TDRD5: variants seen among roughly 807,000 people sequenced by gnomAD.
The protein encoded by TDRD5 is tudor domain containing 5, also known as tudor domain-containing protein 5.
A neutral mutation model predicts 120.6 loss-of-function variants in TDRD5; 41 were observed. The ratio of observed to expected loss-of-function variants is 0.34; its 90% CI spans 0.26 to 0.44. The LOEUF (loss-of-function observed/expected upper bound fraction) is 0.44, where lower values mean the gene tolerates loss of function less well. Ranked by LOEUF, TDRD5 falls within the 20% of genes least tolerant of loss-of-function variation. The pLI, the probability that TDRD5 is intolerant of heterozygous loss-of-function variation, is 1.00. For missense variants in TDRD5, 1,006 were observed against 1,221.2 expected (o/e 0.82, Z 2.63); for synonymous variants, 430 against 433.7 (o/e 0.99, Z 0.11).
chr1:179,666,445 T>G (rs1295973417), intron 16 of TDRD5, among the ~76,000 whole-genome samples: 9 of 152,254 alleles, frequency 5.9e-5, no homozygotes. Flanking sequence ...CTAAATTAGG[T>G]TGGCATGTTT....
chr1:179,674,356 T>C (rs1164438833), intron 17 of TDRD5, among the ~76,000 whole-genome samples: 1 of 152,216 alleles, frequency 6.6e-6, no homozygotes, highest in African/African-American at 2.4e-5. Flanking sequence ...TTTATTGACT[T>C]ATGTTAAACC....
intron 11 of TDRD5, among the ~76,000 whole-genome samples, chr1:179,647,167 A>G (rs2102048477): frequency 6.8e-6 from 1 of 147,330 alleles, no homozygotes; most frequent in Non-Finnish European, 1.5e-5. Flanking sequence ...AAAAGAACAA[A>G]GCTGGAGGCA....
Position 179,691,220 on chromosome 1 carries a change from G to T in TDRD5, c.*277G>T. ...AGTTTAAAGGAATTTGTTTTTTTGT[G>T]TTTGTTTTTCTTGTACATTATCATG... On this transcript the variant is annotated 3_prime_UTR_variant, in exon 18 of 18. Transcript: ENST00000444136. 1 of 272,834 alleles carries T rather than the reference G, an allele frequency of 3.7e-6. No individual in the cohort carries two copies. Among genetic ancestry groups the T allele is most frequent in the Non-Finnish European group, 6.8e-6 (1 of 146,392 alleles). 16.9% of individuals were successfully genotyped at this position (272,834 alleles called of 1,614,324 possible). A position where few individuals can be genotyped will look rare whatever the true frequency, so the allele number is the denominator to read the frequency against.
At chr1:179,630,369 C>T (rs956796470) in intron 6 of TDRD5, among the ~76,000 whole-genome samples, 15 of 151,972 alleles carry the variant, frequency 9.9e-5, no homozygotes, top group Admixed American at 2.0e-4. Flanking sequence ...CTGTACATGT[C>T]GGAAGTGATA....
intron 6 of TDRD5, among the ~76,000 whole-genome samples, chr1:179,628,356 G>A (rs1418438788): frequency 5.0e-5 from 6 of 120,784 alleles, no homozygotes; most frequent in African/African-American, 1.6e-4. Flanking sequence ...TTTTTAAGAC[G>A]GGGTCTTGCT....
intron 1 of TDRD5, 143 bp downstream of exon 1, chr1:179,592,268 T>C (rs925795921): frequency 2.2e-5 from 5 of 226,512 alleles, no homozygotes; most frequent in Admixed American, 1.6e-4. Flanking sequence ...GGCATTGCGT[T>C]GGCCTTAGTT....
intron 6 of TDRD5, among the ~76,000 whole-genome samples, chr1:179,629,961 A>G (rs1367022193): frequency 1.3e-5 from 2 of 150,274 alleles, no homozygotes; most frequent in Non-Finnish European, 3.0e-5. Context: ...ACCGATAGAT[A>G]GCTGCTCATT....
At position 179,655,236 on chromosome 1, in the gene TDRD5, C is replaced by T. The variant is rs189658393; in HGVS notation, c.2322+874C>T. On this transcript the variant is annotated intron_variant, in intron 14 of 17. Coordinates refer to ENST00000444136, the MANE Select transcript of TDRD5 (RefSeq NM_001199085.3). ...AGATGAGGGCTTAGTTCTCTTTCATCGCCTTACCACCACCACACACAAACA... is the reference window on the plus strand; with the variant it reads ...AGATGAGGGCTTAGTTCTCTTTCATTGCCTTACCACCACCACACACAAACA... Among the ~76,000 whole-genome samples the T allele has an allele frequency of 2.0e-3, 305 of 152,214 alleles. 1 individual carries two copies. Among genetic ancestry groups the T allele is most frequent in the Non-Finnish European group, 2.0e-3 (135 of 68,018 alleles).
intron 11 of TDRD5, among the ~76,000 whole-genome samples, chr1:179,643,368 C>A (rs1356250269): frequency 1.3e-5 from 2 of 151,930 alleles, no homozygotes; most frequent in Admixed American, 1.3e-4. Flanking sequence ...CAAGGAAAAA[C>A]GTAGTTGGTA....
At chr1:179,614,580 G>C (rs1455009305) in intron 4 of TDRD5, among the ~76,000 whole-genome samples, 2 of 152,002 alleles carry the variant, frequency 1.3e-5, no homozygotes, top group African/African-American at 4.8e-5. Context: ...TCATCCATAA[G>C]AATTGTTTCA....
intron 16 of TDRD5, among the ~76,000 whole-genome samples, chr1:179,665,498 A>G (rs905319955): frequency 6.6e-6 from 1 of 152,158 alleles, no homozygotes; most frequent in Non-Finnish European, 1.5e-5. Context: ...TGAAACGATG[A>G]TTCTTTCCCC....
At position 179,616,402 on chromosome 1, in the gene TDRD5, C is replaced by T. The variant is rs544116590; in HGVS notation, c.832-2197C>T. 3.4e-4 allele frequency among the ~76,000 whole-genome samples: 52 copies of T among 152,144 alleles called. 1 individual carries two copies. The South Asian group carries it at 0.011, about 32-fold the overall frequency. On this transcript the variant is annotated intron_variant, in intron 4 of 17. Transcript: ENST00000444136. ...TCTGGATTCCACCTTTGTCATATCC[C>T]TTCTTTTTCTATTCTCTCCCAGCAC...
intron 16 of TDRD5, among the ~76,000 whole-genome samples, chr1:179,664,700 T>A (rs1462187907): frequency 6.6e-6 from 1 of 152,188 alleles, no homozygotes. Context: ...ATTTATCCAT[T>A]CATCAGTTGG....
At chr1:179,593,910 G>A in intron 3 of TDRD5, 43 bp downstream of exon 3, 1 of 1,582,174 alleles carries the variant, frequency 6.3e-7, no homozygotes, top group Admixed American at 1.8e-5. Context: ...GGCACATAGA[G>A]GGGTGTGTAA....
At chr1:179,598,442 T>C (rs1675523803) in intron 4 of TDRD5, among the ~76,000 whole-genome samples, 1 of 152,236 alleles carries the variant, frequency 6.6e-6, no homozygotes, top group Admixed American at 6.5e-5. Context: ...ATTGGATCTA[T>C]AGATATGTTT....
intron 6 of TDRD5, among the ~76,000 whole-genome samples, chr1:179,622,170 A>G (rs1168142878): frequency 3.9e-5 from 6 of 152,186 alleles, no homozygotes; most frequent in Admixed American, 3.9e-4. Flanking sequence ...TCTCTGCCTG[A>G]CCTTTAACTG....
At chr1:179,634,309 G>T in intron 7 of TDRD5, 148 bp from the exon 8 acceptor site, 2 of 750,004 alleles carry the variant, frequency 2.7e-6, no homozygotes, top group East Asian at 2.8e-5. Context: ...GGACAGGTTT[G>T]TATCTCTCAT....
At chr1:179,594,613 A>C (rs1018270542) in intron 3 of TDRD5, among the ~76,000 whole-genome samples, 1 of 152,270 alleles carries the variant, frequency 6.6e-6, no homozygotes, top group African/African-American at 2.4e-5. Context: ...TACAGTTTAC[A>C]CACTGAGCAT....
intron 11 of TDRD5, among the ~76,000 whole-genome samples, chr1:179,647,384 A>G (rs1193817080): frequency 1.3e-5 from 2 of 151,616 alleles, no homozygotes; most frequent in African/African-American, 2.4e-5. Context: ...GTGCTGGGAA[A>G]ACTGGCTAGC....
Sources: gnomAD v4.1 joint callset for allele counts (sites outside exome capture counted in the v4.1 genomes callset) on GRCh38, gnomAD v4.1.1 for gene constraint, MANE v1.5 for transcripts, NCBI Gene and HGNC (gene_info 2026-07-23, HGNC 2026-07-21) for gene names.